The following AMPD3 variants were observed in gnomAD, a reference collection of about 807,000 sequenced individuals.
AMPD3 encodes adenosine monophosphate deaminase 3, also known as AMP deaminase 3.
Under a neutral mutation model 82.3 loss-of-function variants are expected in AMPD3, and 57 were observed. The ratio of observed to expected loss-of-function variants is 0.69; its 90% CI spans 0.56 to 0.86. AMPD3 has a LOEUF of 0.86. Among genes scored for constraint, AMPD3 ranks in the 40% least tolerant of loss-of-function variants. The probability of loss-of-function intolerance (pLI) is 0.00; values close to 1 mark genes in which losing one functional copy is unlikely to be tolerated. For missense variants in AMPD3, 870 were observed against 1,003.8 expected (o/e 0.87, Z 1.80); for synonymous variants, 381 against 394.7 (o/e 0.97, Z 0.41).
At chr11:10,464,295 C>A (rs546204137) in intron 2 of AMPD3, among the ~76,000 whole-genome samples, 1 of 152,140 alleles carries the variant, frequency 6.6e-6, no homozygotes, top group Non-Finnish European at 1.5e-5. Flanking sequence ...ATTCTCACAT[C>A]GAGCTTATCA....
At chr11:10,483,023 T>G (rs181659928) in intron 4 of AMPD3, among the ~76,000 whole-genome samples, 2 of 152,316 alleles carry the variant, frequency 1.3e-5, no homozygotes, top group Admixed American at 1.3e-4. Context: ...AAGCCTCACT[T>G]TGTAAAATGT....
At chr11:10,461,973 A>C (rs1848285044) in intron 2 of AMPD3, among the ~76,000 whole-genome samples, 1 of 151,910 alleles carries the variant, frequency 6.6e-6, no homozygotes, top group African/African-American at 2.4e-5. Flanking sequence ...AAAAATACAC[A>C]CCATTTCCAA....
At position 10,485,020 on chromosome 11, in the gene AMPD3, C is replaced by G. The variant is rs1222923347; in HGVS notation, c.790C>G (p.Leu264Val). The change falls in exon 5 of 15, where the codon CTC (leucine) becomes GTC (valine). Residue 264 changes from leucine to valine, a missense_variant. Leu to Val is a conservative substitution (Grantham distance 32). Coordinates refer to ENST00000396553, the MANE Select transcript of AMPD3 (RefSeq NM_001025389.2). The part of the protein sequence containing the change: ...YTVDMSHILA[L>V]ITDGPTKTYC... ...GGTGGACATGAGCCACATCCTGGCT[C>G]TCATCACCGATGGCCCCACGTAAGC... 2 of 1,613,726 alleles carry G rather than the reference C, an allele frequency of 1.2e-6. No homozygotes were observed. Among genetic ancestry groups the G allele is most frequent in the South Asian group, 1.1e-5 (1 of 91,054 alleles).
At chr11:10,474,499 G>T (rs1564844080) in intron 2 of AMPD3, among the ~76,000 whole-genome samples, 1 of 152,198 alleles carries the variant, frequency 6.6e-6, no homozygotes, top group East Asian at 1.9e-4. Flanking sequence ...GCGGAGGAGG[G>T]CTGGGGAGTG....
chr11:10,474,759 C>T (rs1323681407), intron 2 of AMPD3, among the ~76,000 whole-genome samples: 1 of 152,246 alleles, frequency 6.6e-6, no homozygotes, highest in Non-Finnish European at 1.5e-5. Flanking sequence ...CTGGTGTCCT[C>T]ACAGCCCCAC....
chr11:10,502,336 A>G, intron 12 of AMPD3: 1 of 985,442 alleles, frequency 1.0e-6, no homozygotes, highest in Non-Finnish European at 1.2e-6. Context: ...GGCTGTTTGC[A>G]GTCAAAGCAA....
chr11:10,492,206 A>C (rs956751225), intron 6 of AMPD3, among the ~76,000 whole-genome samples: 1 of 152,206 alleles, frequency 6.6e-6, no homozygotes, highest in Admixed American at 6.5e-5. Context: ...TCTGCAAAAA[A>C]CTGCCTTTCC....
intron 6 of AMPD3, among the ~76,000 whole-genome samples, chr11:10,491,687 A>G (rs1849244280): frequency 6.6e-6 from 1 of 152,194 alleles, no homozygotes; most frequent in South Asian, 2.1e-4. Context: ...AGTAGTAGGA[A>G]GGCCAAGGAT....
chr11:10,472,033 T>A (rs1374365850), intron 2 of AMPD3, among the ~76,000 whole-genome samples: 2 of 152,172 alleles, frequency 1.3e-5, no homozygotes, highest in Non-Finnish European at 1.5e-5. Context: ...AGCAAAGACT[T>A]GGAACCCACC....
In AMPD3 at chr11:10,491,013, A is replaced by T. The variant is rs529781654; in HGVS notation, c.940-2336A>T. 3.3e-5 allele frequency among the ~76,000 whole-genome samples: 5 copies of T among 152,366 alleles called. No individual in the cohort carries two copies. In the South Asian group the frequency reaches 1.0e-3, roughly 32 times the overall value. On this transcript the variant is annotated intron_variant, in intron 6 of 14. Coordinates refer to ENST00000396553, the MANE Select transcript of AMPD3 (RefSeq NM_001025389.2). ...TGGCTAACGACATGGGCTGGCTGGC[A>T]TAATGCTCACAGAGGTCCAGTGGAT...
At chr11:10,472,731 C>T (rs1013253622) in intron 2 of AMPD3, among the ~76,000 whole-genome samples, 11 of 152,170 alleles carry the variant, frequency 7.2e-5, no homozygotes, top group South Asian at 2.1e-4. Flanking sequence ...GGGCTGGGCG[C>T]GGTGGCTCAC....
At chr11:10,458,988 C>G (rs1848181140) in intron 1 of AMPD3, among the ~76,000 whole-genome samples, 1 of 152,116 alleles carries the variant, frequency 6.6e-6, no homozygotes, top group Non-Finnish European at 1.5e-5. Flanking sequence ...GATGGAGCCT[C>G]CTGGGTCTGG....
intron 2 of AMPD3, among the ~76,000 whole-genome samples, chr11:10,466,625 A>C (rs143253204): frequency 0.032 from 4,933 of 152,304 alleles, 265 homozygotes; most frequent in African/African-American, 0.11. Context: ...TTCAGCAGAC[A>C]TAAATGTCCC....
intron 1 of AMPD3, among the ~76,000 whole-genome samples, chr11:10,460,353 C>T (rs1392132026): frequency 6.6e-6 from 1 of 151,532 alleles, no homozygotes; most frequent in Non-Finnish European, 1.5e-5. Flanking sequence ...CTTGCCTTGA[C>T]CTCCCAAAGT....
At chr11:10,484,227 T>C (rs959366400) in intron 4 of AMPD3, 1 of 985,214 alleles carries the variant, frequency 1.0e-6, no homozygotes, top group Non-Finnish European at 1.2e-6. Context: ...GTTGGCTAAT[T>C]CTAACCTTAA....
At chr11:10,485,119 C>T (rs1323705743) in intron 5 of AMPD3, 80 bp downstream of exon 5, 2 of 1,350,062 alleles carry the variant, frequency 1.5e-6, no homozygotes, top group African/African-American at 1.4e-5. Flanking sequence ...CCTCACCCCT[C>T]TGCCCTGGGG....
Position 10,499,747 on chromosome 11 carries a change from C to T in AMPD3, c.1558-339C>T, listed in dbSNP as rs949361659. ...GCCACTCCTCCCTGCAGGCTGGCCT[C>T]GGCATAGCAGAGGGGCAGGTGGTGG... On this transcript the variant is annotated intron_variant, in intron 10 of 14. Coordinates refer to ENST00000396553, the MANE Select transcript of AMPD3 (RefSeq NM_001025389.2). The T allele has an allele frequency of 3.1e-5, 31 of 985,420 alleles. No homozygotes were observed. In the South Asian group the frequency reaches 5.6e-4, roughly 18 times the overall value. 61.0% of individuals were successfully genotyped at this position (985,420 alleles called of 1,614,324 possible).
At chr11:10,470,668 A>T (rs1316609277) in intron 2 of AMPD3, among the ~76,000 whole-genome samples, 2 of 152,260 alleles carry the variant, frequency 1.3e-5, no homozygotes, top group African/African-American at 4.8e-5. Flanking sequence ...CTGTATACTA[A>T]TAACAGACAA....
At chr11:10,486,375 C>T (rs1031285392) in intron 5 of AMPD3, among the ~76,000 whole-genome samples, 4 of 152,064 alleles carry the variant, frequency 2.6e-5, no homozygotes, top group Non-Finnish European at 2.9e-5. Flanking sequence ...AGCAGGGTAG[C>T]GTGAATTGTG....
Sources: allele counts gnomAD v4.1 joint callset (sites outside exome capture counted in the v4.1 genomes callset), GRCh38; gene constraint gnomAD v4.1.1; transcripts MANE v1.5; gene names NCBI Gene and HGNC (gene_info 2026-07-23, HGNC 2026-07-21).